Variants in PDGFRL observed in about 807,000 individuals in gnomAD.
PDGFRL encodes platelet-derived growth factor receptor-like protein.
Under a neutral mutation model 37.2 loss-of-function variants are expected in PDGFRL, and 46 were observed. That is an observed-to-expected ratio of 1.24 (90% CI 0.98 to 1.58). The LOEUF is 1.58. Ranked by LOEUF, PDGFRL falls within the 40% of genes most tolerant of loss-of-function variation. The probability of loss-of-function intolerance (pLI) is 0.00; values close to 1 mark genes in which losing one functional copy is unlikely to be tolerated. For missense variants in PDGFRL, 692 were observed against 467.6 expected (o/e 1.48, Z -4.43); for synonymous variants, 251 against 184.3 (o/e 1.36, Z -2.93).
At chr8:17,605,468 T>G (rs1398338812) in intron 2 of PDGFRL, among the ~76,000 whole-genome samples, 1 of 152,236 alleles carries the variant, frequency 6.6e-6, no homozygotes, top group African/African-American at 2.4e-5. Flanking sequence ...GTGACCCATT[T>G]GCATCTTCTC....
chr8:17,641,256 C>T (rs1159658057), intron 5 of PDGFRL, among the ~76,000 whole-genome samples: 1 of 152,210 alleles, frequency 6.6e-6, no homozygotes, highest in Admixed American at 6.5e-5. Flanking sequence ...GCCACGGTTT[C>T]TGTGCTGTGT....
rs544712722 is a variant in PDGFRL, at chr8:17,630,917, T to C, written c.799+2137T>C. ...CCTCTGCTTGTATGAACTTCTTTGC[T>C]CTGAGCTGCAGCATGGCTGAAAGAG... On this transcript the variant is annotated intron_variant, in intron 4 of 5. Coordinates refer to ENST00000251630, the MANE Select transcript of PDGFRL (RefSeq NM_001372073.1). Among the ~76,000 whole-genome samples, 21 of 152,138 alleles carry C rather than the reference T, an allele frequency of 1.4e-4. No individual in the cohort carries two copies. The South Asian group carries it at 4.4e-3, about 32-fold the overall frequency.
chr8:17,580,807 G>A (rs920498738), intron 1 of PDGFRL, among the ~76,000 whole-genome samples: 2 of 152,236 alleles, frequency 1.3e-5, no homozygotes, highest in South Asian at 2.1e-4. Flanking sequence ...TAAGATGCGG[G>A]TAGAATCCTT....
rs1233390707 is a variant in PDGFRL at position 17,595,323 on chromosome 8, C to T, written c.353+5558C>T. ...CCTTTCCAAGTTCCACTTGAGTTTT[C>T]CTGCTCCCAAAGGTGCCCAGGGTCT... On this transcript the variant is annotated intron_variant, in intron 2 of 5. Transcript: ENST00000251630. Among the ~76,000 whole-genome samples the T allele has an allele frequency of 3.9e-5, 6 of 152,274 alleles. No homozygotes were observed. In the South Asian group the frequency reaches 8.3e-4, roughly 21 times the overall value.
At chr8:17,628,263 G>A (rs2427717) in intron 3 of PDGFRL, among the ~76,000 whole-genome samples, 22,130 of 151,618 alleles carry the variant, frequency 0.15, 1,868 homozygotes, top group Admixed American at 0.22. Flanking sequence ...CAAAGTGCTG[G>A]GATTACAGGT....
chr8:17,641,671 A>AAAAT (rs1805095817), intron 5 of PDGFRL, among the ~76,000 whole-genome samples: 1 of 152,176 alleles, frequency 6.6e-6, no homozygotes, highest in Non-Finnish European at 1.5e-5. Flanking sequence ...TCTGCTTGCT[A>AAAAT]AAATAACAGC....
chr8:17,635,287 C>T (rs1259850373), intron 5 of PDGFRL, among the ~76,000 whole-genome samples: 2 of 151,696 alleles, frequency 1.3e-5, no homozygotes, highest in Admixed American at 1.3e-4. Context: ...TCTCACCCCT[C>T]CCCCCAACCC....
At chr8:17,591,509 A>G (rs190123105) in intron 2 of PDGFRL, among the ~76,000 whole-genome samples, 16 of 152,338 alleles carry the variant, frequency 1.1e-4, no homozygotes, top group Non-Finnish European at 1.9e-4. Flanking sequence ...AGGGGATGAC[A>G]TGATTTCTAA....
intron 1 of PDGFRL, among the ~76,000 whole-genome samples, chr8:17,588,674 A>G (rs1803869041): frequency 6.6e-6 from 1 of 152,098 alleles, no homozygotes; most frequent in Non-Finnish European, 1.5e-5. Flanking sequence ...TTCCGTTTCT[A>G]ACGTTAAACA....
At chr8:17,605,308 C>T (rs1314126081) in intron 2 of PDGFRL, among the ~76,000 whole-genome samples, 1 of 152,192 alleles carries the variant, frequency 6.6e-6, no homozygotes, top group African/African-American at 2.4e-5. Context: ...ATACCCATTT[C>T]ACTCCAACTG....
intron 5 of PDGFRL, among the ~76,000 whole-genome samples, chr8:17,636,315 C>T (rs1167274441): frequency 1.9e-5 from 1 of 52,814 alleles, no homozygotes; most frequent in South Asian, 4.5e-4. Flanking sequence ...AGGATTCAGT[C>T]TTATTCATCA....
At chr8:17,616,438 C>T (rs929381699) in intron 2 of PDGFRL, among the ~76,000 whole-genome samples, 1 of 151,916 alleles carries the variant, frequency 6.6e-6, no homozygotes, top group East Asian at 1.9e-4. Context: ...CGTGATCCAC[C>T]CACCTCGGCC....
intron 5 of PDGFRL, among the ~76,000 whole-genome samples, chr8:17,641,822 C>T (rs538029720): frequency 2.0e-5 from 3 of 148,874 alleles, no homozygotes; most frequent in Non-Finnish European, 4.4e-5. Context: ...TGTTTTCCGG[C>T]ATCCTGGTAC....
At chr8:17,586,286 G>A (rs557403181) in intron 1 of PDGFRL, among the ~76,000 whole-genome samples, 2 of 152,240 alleles carry the variant, frequency 1.3e-5, no homozygotes, top group African/African-American at 4.8e-5. Context: ...TCTCCTCACC[G>A]AGGGGATCCA....
chr8:17,613,233 G>T (rs1268423444), intron 2 of PDGFRL, among the ~76,000 whole-genome samples: 1 of 152,314 alleles, frequency 6.6e-6, no homozygotes, highest in African/African-American at 2.4e-5. Flanking sequence ...GGGATTTTCT[G>T]TTGGGAGGAT....
chr8:17,631,617 C>T (rs1804862671), intron 4 of PDGFRL, among the ~76,000 whole-genome samples: 2 of 152,152 alleles, frequency 1.3e-5, no homozygotes, highest in Admixed American at 6.5e-5. Flanking sequence ...TCCTTTCCTC[C>T]CACACACTCC....
In PDGFRL at chr8:17,628,708, G is replaced by T; in HGVS notation, c.727G>T (p.Val243Leu). The T allele has an allele frequency of 1.2e-6, 2 of 1,614,110 alleles. No homozygotes were observed. Among genetic ancestry groups the T allele is most frequent in the Non-Finnish European group, 1.7e-6 (2 of 1,179,922 alleles). ...YLQPHSEHQGVVYCRAEAGGR... is the reference protein window; with the variant it reads ...YLQPHSEHQGLVYCRAEAGGR... ...GCAACCTCATTCCGAGCACCAGGGT[G>T]TGGTTTACTGCAGGGCGGAGGCCGG... The change falls in exon 4 of 6, where the codon GTG (valine) becomes TTG (leucine). Residue 243 changes from valine (V) to leucine (L), a missense_variant. Transcript: ENST00000251630.
At chr8:17,586,973 T>C (rs3780112) in intron 1 of PDGFRL, among the ~76,000 whole-genome samples, 5,404 of 152,294 alleles carry the variant, frequency 0.035, 134 homozygotes, top group East Asian at 0.085. Flanking sequence ...CGTTCACTTA[T>C]AGTATGAATT....
rs377086231 is a variant in PDGFRL at position 17,628,602 on chromosome 8, C to T, written c.621C>T (p.Leu207=). 1 of 1,614,024 alleles carries T rather than the reference C, an allele frequency of 6.2e-7. No individual in the cohort carries two copies. The highest frequency in any genetic ancestry group is 1.3e-5 in the African/African-American group (1 of 74,936). Reference sequence around the variant, plus strand: ...CCGTGCTGTCGGCCAAAGTCACGCTCCACAGGGAATTCCCAGCCAAGGAGA... The same window carrying T: ...CCGTGCTGTCGGCCAAAGTCACGCTTCACAGGGAATTCCCAGCCAAGGAGA... ...RVTVLSAKVT[L]HREFPAKEIP... is the part of the protein sequence containing the mutation. Residue 207 remains leucine, a synonymous_variant, in exon 4 of 6, where the codon CTC becomes CTT. Coordinates refer to ENST00000251630, the MANE Select transcript of PDGFRL (RefSeq NM_001372073.1).
Sources: allele counts gnomAD v4.1 joint callset (sites outside exome capture counted in the v4.1 genomes callset), GRCh38; gene constraint gnomAD v4.1.1; transcripts MANE v1.5; gene names NCBI Gene and HGNC (gene_info 2026-07-23, HGNC 2026-07-21).